Variants in ZNF880 observed in about 807,000 individuals in gnomAD.
The protein encoded by ZNF880 is zinc finger protein 880.
In ZNF880, 12 loss-of-function variants were observed where a neutral mutation model predicts 11.8. That is an observed-to-expected ratio of 1.02 (90% CI 0.65 to 1.65). ZNF880 has a LOEUF of 1.65. ZNF880 is among the 40% of genes most tolerant of loss of function. The pLI, the probability that ZNF880 is intolerant of heterozygous loss-of-function variation, is 0.00. For synonymous variants in ZNF880, 210 were observed against 232.4 expected (o/e 0.90, Z 0.88); for missense variants, 601 against 673.9 (o/e 0.89, Z 1.20).
chr19:52,369,613 C>T (rs1428832804), upstream of ZNF880, among the ~76,000 whole-genome samples: 1 of 152,084 alleles, frequency 6.6e-6, no homozygotes, highest in African/African-American at 2.4e-5. Context: ...GACCTCGGCT[C>T]ACTGCAGCCT....
downstream of ZNF880, chr19:52,389,836 G>A (rs1340528305): frequency 6.6e-6 from 1 of 152,268 alleles, no homozygotes; most frequent in African/African-American, 2.4e-5. Context: ...ATCTCCATCT[G>A]AGACCACCTT....
chr19:52,392,393 C>G, the ZNF880 span, among the ~76,000 whole-genome samples: 4 of 152,138 alleles, frequency 2.6e-5, no homozygotes, highest in African/African-American at 9.7e-5. Flanking sequence ...CGCCACCTCC[C>G]GGGTTCAAGT....
intron 3 of ZNF880, among the ~76,000 whole-genome samples, chr19:52,377,361 C>G (rs114663368): frequency 0.024 from 3,682 of 152,174 alleles, 136 homozygotes; most frequent in African/African-American, 0.083. Context: ...TCAAATGCCA[C>G]TCAGCAGAGA....
intron 3 of ZNF880, among the ~76,000 whole-genome samples, chr19:52,382,487 A>G (rs1986734586): frequency 1.3e-5 from 2 of 152,284 alleles, no homozygotes; most frequent in South Asian, 2.1e-4. Flanking sequence ...GCACTCCCTC[A>G]GCTCTTCATT....
At chr19:52,386,171 CAAAA>C (rs10674709), downstream of ZNF880, among the ~76,000 whole-genome samples, 24 of 77,354 alleles carry the variant, frequency 3.1e-4, 1 homozygote, top group East Asian at 8.5e-3. Flanking sequence ...GACTCTGTCT[CAAAA>C]AAAAAAAAAA....
At chr19:52,385,853 C>G (rs2122425186), downstream of ZNF880, 1 of 147,320 alleles carries the variant, frequency 6.8e-6, no homozygotes, top group South Asian at 2.0e-4. Context: ...CATGTGACTT[C>G]TTTACAGACC....
At chr19:52,397,232 G>A in the ZNF880 span, 2 of 151,088 alleles carry the variant, frequency 1.3e-5, no homozygotes, top group Non-Finnish European at 2.9e-5. Flanking sequence ...CCCTAGGAAA[G>A]TCTCTGGAAT....
rs371701046 is a variant in ZNF880 at position 52,384,373 on chromosome 19, G to A, written c.793G>A (p.Glu265Lys). ...LARHQRIHTG[E>K]KPYKCHECGK... The stretch of plus-strand genomic sequence containing the variant: ...ACGACATCAGAGAATACATACTGGA[G>A]AGAAACCTTACAAATGTCATGAGTG... Residue 265 changes from glutamate to lysine, a missense_variant, in exon 4 of 4, where the codon GAG becomes AAG. By Grantham distance (56) the Glu-to-Lys change is moderately conservative (BLOSUM62 1). Coordinates refer to ENST00000422689, the MANE Select transcript of ZNF880 (RefSeq NM_001145434.2). 1.2e-5 allele frequency: 19 copies of A among 1,613,818 alleles called. No homozygotes were observed. Among genetic ancestry groups the A allele is most frequent in the Non-Finnish European group, 1.6e-5 (19 of 1,179,800 alleles).
the ZNF880 span, among the ~76,000 whole-genome samples, chr19:52,391,898 A>G: frequency 6.6e-6 from 1 of 152,210 alleles, no homozygotes; most frequent in East Asian, 1.9e-4. Flanking sequence ...CAATCAACAC[A>G]ATAGTGAATG....
At chr19:52,373,437 T>C (rs576840344) in intron 2 of ZNF880, among the ~76,000 whole-genome samples, 200 bp downstream of exon 2, 1 of 152,274 alleles carries the variant, frequency 6.6e-6, no homozygotes, top group South Asian at 2.1e-4. Flanking sequence ...TTTCTGGACT[T>C]AAAATAATTG....
chr19:52,384,974 G>T lies in ZNF880; in HGVS notation c.1394G>T (p.Arg465Ile), dbSNP rs763250372. Residue 465 changes from arginine (R) to isoleucine (I), a missense_variant, in exon 4 of 4, where the codon AGA (arginine) becomes ATA (isoleucine). Coordinates refer to ENST00000422689, the MANE Select transcript of ZNF880 (RefSeq NM_001145434.2). ...QRFHTGEKPY[R>I]CDECGKDFTR... ...TTTCATACTGGAGAGAAACCTTACA[G>T]ATGTGATGAATGTGGCAAGGACTTC... 31 of 1,567,986 alleles carry T rather than the reference G, an allele frequency of 2.0e-5. No individual in the cohort carries two copies. Among genetic ancestry groups the T allele is most frequent in the Non-Finnish European group, 1.6e-5 (18 of 1,155,642 alleles).
chr19:52,389,743 C>T (rs2058700774), downstream of ZNF880: 1 of 152,304 alleles, frequency 6.6e-6, no homozygotes, highest in Non-Finnish European at 1.5e-5. Context: ...CCACATTTTA[C>T]TTCTGCACTG....
chr19:52,370,322 C>A, intron 1 of ZNF880: 1 of 336,240 alleles, frequency 3.0e-6, no homozygotes, highest in Non-Finnish European at 5.6e-6. Context: ...AAGCCTCGCC[C>A]TCTTTTCACA....
chr19:52,374,372 A>G lies in ZNF880; in HGVS notation c.213A>G (p.Glu71=), dbSNP rs1239763559. ...QRRDPRNLQS[E]VKIANNPGGR... ...GAGATCCCCGGAATCTGCAGAGTGAAGTGAAAATAGCAAACAATCCAGGTG... is the reference window on the plus strand; with the variant it reads ...GAGATCCCCGGAATCTGCAGAGTGAGGTGAAAATAGCAAACAATCCAGGTG... Residue 71 remains glutamate, a synonymous_variant, in exon 3 of 4, where the codon GAA becomes GAG. Transcript: ENST00000422689. 1 of 1,613,378 alleles carries G rather than the reference A, an allele frequency of 6.2e-7. No homozygotes were observed.
chr19:52,388,282 C>CTTTTTTTTTTTTTTTTTTTTTT (rs68179783), downstream of ZNF880, among the ~76,000 whole-genome samples: 13 of 63,414 alleles, frequency 2.1e-4, 5 homozygotes, highest in African/African-American at 3.5e-4. Context: ...GCAATTTGAA[C>CTTTTTTTTTTTTTTTTTTTTTT]TTTTTTTTTT....
chr19:52,389,634 C>T (rs2058700393), downstream of ZNF880: 2 of 152,306 alleles, frequency 1.3e-5, no homozygotes, highest in Admixed American at 6.5e-5. Flanking sequence ...ATGGTGCAAG[C>T]TGTCGGTGAA....
chr19:52,393,592 G>GT, the ZNF880 span, among the ~76,000 whole-genome samples: 1 of 151,964 alleles, frequency 6.6e-6, no homozygotes, highest in Non-Finnish European at 1.5e-5. Context: ...AGGTGTTTGG[G>GT]TTTTTTGTCT....
At chr19:52,377,254 T>C (rs561763569) in intron 3 of ZNF880, among the ~76,000 whole-genome samples, 2 of 152,140 alleles carry the variant, frequency 1.3e-5, no homozygotes, top group East Asian at 1.9e-4. Context: ...CTTTTTTTTT[T>C]GCATGTGGGG....
At chr19:52,375,498 T>C (rs1986527015) in intron 3 of ZNF880, among the ~76,000 whole-genome samples, 1 of 150,850 alleles carries the variant, frequency 6.6e-6, no homozygotes, top group Non-Finnish European at 1.5e-5. Flanking sequence ...GGGCATAATG[T>C]TATTATTATA....
Sources: gnomAD v4.1 joint callset for allele counts (sites outside exome capture counted in the v4.1 genomes callset) on GRCh38, gnomAD v4.1.1 for gene constraint, MANE v1.5 for transcripts, NCBI Gene and HGNC (gene_info 2026-07-23, HGNC 2026-07-21) for gene names.